PTPRN2: variants seen among roughly 807,000 people sequenced by gnomAD.
PTPRN2 encodes the protein receptor-type tyrosine-protein phosphatase N2.
A neutral mutation model predicts 118.8 loss-of-function variants in PTPRN2; 74 were observed. That is an observed-to-expected ratio of 0.62 (90% CI 0.52 to 0.76). The LOEUF is 0.76. Among genes scored for constraint, PTPRN2 ranks in the 30% least tolerant of loss-of-function variants. The probability of loss-of-function intolerance (pLI) is 0.00; values close to 1 mark genes in which losing one functional copy is unlikely to be tolerated. For missense variants in PTPRN2, 1,481 were observed against 1,394.4 expected, an observed-to-expected ratio of 1.06 and a Z score of -0.99; for synonymous variants, 641 against 608.0, an observed-to-expected ratio of 1.05 and a Z score of -0.80.
At chr7:157,877,081 C>A (rs1037717620) in intron 12 of PTPRN2, among the ~76,000 whole-genome samples, 1 of 151,386 alleles carries the variant, frequency 6.6e-6, no homozygotes, top group Admixed American at 6.6e-5. Flanking sequence ...TCGGGGACCC[C>A]GGGTGCAAGT....
intron 3 of PTPRN2, among the ~76,000 whole-genome samples, chr7:158,225,062 A>T (rs955938371): frequency 1.3e-5 from 2 of 152,172 alleles, no homozygotes; most frequent in African/African-American, 4.8e-5. Context: ...AATAGGGACA[A>T]CATCAAATGC....
chr7:157,748,313 G>C (rs1338509957), intron 12 of PTPRN2, among the ~76,000 whole-genome samples: 1 of 137,644 alleles, frequency 7.3e-6, no homozygotes, highest in Non-Finnish European at 1.7e-5. Context: ...TCTGAGGCCT[G>C]CATCTCTGAG....
intron 2 of PTPRN2, among the ~76,000 whole-genome samples, chr7:158,353,505 T>C (rs975393832): frequency 3.3e-5 from 5 of 152,144 alleles, no homozygotes; most frequent in Non-Finnish European, 7.3e-5. Flanking sequence ...AAAACAGCAA[T>C]TGAAATGGGG....
rs1381323968 is a variant in PTPRN2 at position 157,763,187 on chromosome 7, A to C, written c.1789-80250T>G. Among the ~76,000 whole-genome samples, 1 of 152,250 alleles carries C rather than the reference A, an allele frequency of 6.6e-6. No homozygotes were observed. Among genetic ancestry groups the C allele is most frequent in the Non-Finnish European group, 1.5e-5 (1 of 68,036 alleles). On this transcript the variant is annotated intron_variant, in intron 12 of 22. Transcript: ENST00000389418. This position sits in a 1 kb window ranked among gnomAD's most constrained non-coding sequence, Gnocchi z 4.9. ...CTGCCCACTCACAGGCACAGAGTCC[A>C]TCCCAGGCCACAGTGGGAAGGAGAG...
intron 1 of PTPRN2, among the ~76,000 whole-genome samples, chr7:158,547,741 C>T (rs1826384895): frequency 6.6e-6 from 1 of 152,144 alleles, no homozygotes; most frequent in Non-Finnish European, 1.5e-5. Context: ...ATGCAGGGTC[C>T]AGGAATGCCT....
At chr7:157,654,915 A>G (rs1206382875) in intron 14 of PTPRN2, among the ~76,000 whole-genome samples, 2 of 152,206 alleles carry the variant, frequency 1.3e-5, no homozygotes, top group Admixed American at 6.5e-5. Context: ...CTAATACCAA[A>G]TCTCATCACA....
At chr7:157,834,686 G>A (rs59636450) in intron 12 of PTPRN2, among the ~76,000 whole-genome samples, 20,561 of 152,118 alleles carry the variant, frequency 0.14, 2,658 homozygotes, top group African/African-American at 0.33. Context: ...GTGCACGCTC[G>A]CAGAGGGGAA....
Position 157,578,006 on chromosome 7 carries a change from CT to C in PTPRN2, c.2616+14del, listed in dbSNP as rs34910871. 7.5e-6 allele frequency: 12 copies of C among 1,598,012 alleles called. No homozygotes were observed. The African/African-American group carries it at 1.6e-4, about 21-fold the overall frequency. On this transcript the variant is annotated intron_variant, in intron 18 of 22. Coordinates refer to ENST00000389418, the MANE Select transcript of PTPRN2 (RefSeq NM_002847.5). Reference sequence around the variant, plus strand: ...GGCTGGTGGGTCCTGCCCTGGGTGGCTCTGGTCGGAGTACCTCATAGATGTG... The same window carrying C: ...GGCTGGTGGGTCCTGCCCTGGGTGGCCTGGTCGGAGTACCTCATAGATGTG...
chr7:157,548,458 A>AT (rs959961560), intron 22 of PTPRN2, among the ~76,000 whole-genome samples: 35 of 152,006 alleles, frequency 2.3e-4, no homozygotes, highest in African/African-American at 8.2e-4. Flanking sequence ...GCTCACCAGA[A>AT]TTTTTTTTGT....
At chr7:157,988,110 G>A (rs78489480) in intron 11 of PTPRN2, among the ~76,000 whole-genome samples, 2 of 152,278 alleles carry the variant, frequency 1.3e-5, no homozygotes, top group East Asian at 3.9e-4. Context: ...GAGAAGCTGC[G>A]TTCCCTGCCT....
At chr7:158,263,822 G>C (rs975273830) in intron 3 of PTPRN2, among the ~76,000 whole-genome samples, 1 of 152,188 alleles carries the variant, frequency 6.6e-6, no homozygotes, top group African/African-American at 2.4e-5. Flanking sequence ...CTGAGTGAGA[G>C]GCACTTGAAA....
chr7:158,300,561 C>CTCGCCCGCCACCCAGTCCCGCAGCGCT (rs1223749130), intron 3 of PTPRN2, among the ~76,000 whole-genome samples: 1 of 151,902 alleles, frequency 6.6e-6, no homozygotes, highest in Non-Finnish European at 1.5e-5. Context: ...CCCACAGCGC[C>CTCGCCCGCCACCCAGTCCCGCAGCGCT]TCGCCCGCCA....
At chr7:158,211,841 A>G (rs1181758560) in intron 3 of PTPRN2, among the ~76,000 whole-genome samples, 1 of 152,230 alleles carries the variant, frequency 6.6e-6, no homozygotes, top group African/African-American at 2.4e-5. Flanking sequence ...TAGAGCTATA[A>G]TATAATCCAG....
At chr7:158,135,018 C>A (rs990685176) in intron 8 of PTPRN2, among the ~76,000 whole-genome samples, 1 of 152,150 alleles carries the variant, frequency 6.6e-6, no homozygotes, top group African/African-American at 2.4e-5. Flanking sequence ...ACACTGCTTC[C>A]TAGGAAAGAC....
intron 12 of PTPRN2, among the ~76,000 whole-genome samples, chr7:157,687,236 G>A (rs1797242839): frequency 6.6e-6 from 1 of 152,178 alleles, no homozygotes; most frequent in African/African-American, 2.4e-5. Context: ...TGTCCATGTG[G>A]TAAGCTTAAA....
At chr7:158,282,847 T>C (rs2151003122) in intron 3 of PTPRN2, among the ~76,000 whole-genome samples, 1 of 137,162 alleles carries the variant, frequency 7.3e-6, no homozygotes, top group East Asian at 2.2e-4. Context: ...ACAGATGGCT[T>C]GTCCCTCCCT....
intron 2 of PTPRN2, among the ~76,000 whole-genome samples, chr7:158,365,995 G>A (rs1207386269): frequency 7.4e-5 from 11 of 148,456 alleles, no homozygotes; most frequent in Non-Finnish European, 4.4e-5. Context: ...ATCCCTGGGA[G>A]AAGCTGCAGC....
intron 2 of PTPRN2, among the ~76,000 whole-genome samples, chr7:158,333,934 A>G (rs1805048967): frequency 8.5e-6 from 1 of 117,042 alleles, no homozygotes; most frequent in South Asian, 3.5e-4. Context: ...CTCTCACCAT[A>G]AGAGCTGTCG....
In PTPRN2 at chr7:157,709,977, C is replaced by T. The variant is rs539319584; in HGVS notation, c.1789-27040G>A. Reference sequence around the variant, plus strand: ...ACTTAGCCCTCAGCTGGGGGCAAACCGTGGATGCTGGAGAGAGGAGCGTGA... The same window carrying T: ...ACTTAGCCCTCAGCTGGGGGCAAACTGTGGATGCTGGAGAGAGGAGCGTGA... On this transcript the variant is annotated intron_variant, in intron 12 of 22. Coordinates refer to ENST00000389418, the MANE Select transcript of PTPRN2 (RefSeq NM_002847.5). 2.0e-4 allele frequency among the ~76,000 whole-genome samples: 30 copies of T among 152,248 alleles called. No homozygotes were observed. The East Asian group carries it at 3.5e-3, about 18-fold the overall frequency.
Sources: allele counts gnomAD v4.1 joint callset (sites outside exome capture counted in the v4.1 genomes callset), GRCh38; gene constraint gnomAD v4.1.1; non-coding constraint Gnocchi (gnomAD v3.1); transcripts MANE v1.5; gene names NCBI Gene and HGNC (gene_info 2026-07-23, HGNC 2026-07-21).